The following SYN3 variants were observed in gnomAD, a reference collection of about 807,000 sequenced individuals.
SYN3 encodes the protein synapsin III, also known as synapsin-3.
In SYN3, 35 loss-of-function variants were observed where a neutral mutation model predicts 65.8. The observed-to-expected ratio is 0.53, with a 90% CI of 0.41 to 0.70. SYN3 has a LOEUF of 0.70. Ranked by LOEUF, SYN3 falls within the 30% of genes least tolerant of loss-of-function variation. The pLI is 0.00. For synonymous variants in SYN3, 270 were observed against 292.9 expected (o/e 0.92, Z 0.80); for missense variants, 680 against 749.0 (o/e 0.91, Z 1.08).
chr22:32,814,144 G>GAC (rs2046997505), intron 6 of SYN3, among the ~76,000 whole-genome samples: 2 of 128,118 alleles, frequency 1.6e-5, no homozygotes. Flanking sequence ...GTGTGTGTGA[G>GAC]AGAGAGAGAG....
chr22:32,740,746 C>T (rs760282771), intron 6 of SYN3, among the ~76,000 whole-genome samples: 2 of 152,164 alleles, frequency 1.3e-5, no homozygotes, highest in Non-Finnish European at 2.9e-5. Flanking sequence ...AAGACCTTTT[C>T]TTGAATTACA....
At chr22:32,625,916 G>GT (rs2059659911) in intron 6 of SYN3, among the ~76,000 whole-genome samples, 3 of 152,244 alleles carry the variant, frequency 2.0e-5, no homozygotes, top group African/African-American at 7.2e-5. Context: ...ATCGATAACC[G>GT]TAAGTCAAGG....
At chr22:32,516,507 G>C (rs1208175861) in intron 13 of SYN3, among the ~76,000 whole-genome samples, 1 of 152,044 alleles carries the variant, frequency 6.6e-6, no homozygotes, top group Admixed American at 6.6e-5. Context: ...GGGACTACAG[G>C]CGTGCACCAG....
chr22:32,515,322 GGCA>G lies in SYN3; in HGVS notation c.1611-1501_1611-1499del, dbSNP rs564833157. ...CTGTATGCAGATAAGCCTCTGTAGTGGCAGCAGCATTCTAAGCACCAACTGTGC... is the reference window on the plus strand; with the variant it reads ...CTGTATGCAGATAAGCCTCTGTAGTGGCAGCATTCTAAGCACCAACTGTGC... On this transcript the variant is annotated intron_variant, in intron 13 of 13. Transcript: ENST00000358763. Among the ~76,000 whole-genome samples, 55 of 152,290 alleles carry G rather than the reference GGCA, an allele frequency of 3.6e-4. 2 individuals are homozygous for G. In the South Asian group the frequency reaches 7.5e-3, roughly 21 times the overall value.
intron 11 of SYN3, among the ~76,000 whole-genome samples, 185 bp downstream of exon 11, chr22:32,528,689 A>G (rs2058022049): frequency 6.6e-6 from 1 of 152,176 alleles, no homozygotes. Context: ...AGCCTCCTCA[A>G]TTCACTTACT....
chr22:32,532,161 T>G (rs2058084736), intron 10 of SYN3, among the ~76,000 whole-genome samples: 1 of 152,292 alleles, frequency 6.6e-6, no homozygotes, highest in Admixed American at 6.5e-5. Flanking sequence ...TTGTACTGTG[T>G]CCACCTGGCT....
Position 32,559,078 on chromosome 22 carries a change from A to C in SYN3, c.775-17365T>G, listed in dbSNP as rs1048582093. On this transcript the variant is annotated intron_variant, in intron 7 of 13. Transcript: ENST00000358763. ...TATATACAGTATTCATTTAGTCTTC[A>C]TAACAATCCTATGAGGTAAGTACTA... Among the ~76,000 whole-genome samples the C allele has an allele frequency of 9.4e-4, 143 of 152,364 alleles. 1 individual carries two copies. The highest frequency in any genetic ancestry group is 3.4e-3 in the African/African-American group (142 of 41,590).
intron 6 of SYN3, among the ~76,000 whole-genome samples, chr22:32,774,664 A>G (rs1406502920): frequency 1.3e-5 from 2 of 151,660 alleles, no homozygotes; most frequent in Non-Finnish European, 2.9e-5. Context: ...GCACGATCTC[A>G]GCTCACCGCA....
chr22:32,949,032 C>T (rs978934559), intron 3 of SYN3, among the ~76,000 whole-genome samples: 4 of 152,102 alleles, frequency 2.6e-5, no homozygotes, highest in African/African-American at 9.7e-5. Context: ...AGTATATATA[C>T]TTACCAGTTG....
chr22:32,749,577 G>A (rs551249908), intron 6 of SYN3, among the ~76,000 whole-genome samples: 46 of 152,204 alleles, frequency 3.0e-4, no homozygotes, highest in African/African-American at 1.1e-3. Flanking sequence ...GGTGGCAGGG[G>A]TTGCAGTGAG....
intron 6 of SYN3, among the ~76,000 whole-genome samples, chr22:32,655,912 A>C (rs909670864): frequency 4.6e-5 from 7 of 152,152 alleles, no homozygotes; most frequent in Non-Finnish European, 8.8e-5. Context: ...TGGTGCCAAA[A>C]AGGTTGGGAG....
chr22:32,606,293 G>A (rs2059371385), intron 6 of SYN3, among the ~76,000 whole-genome samples: 1 of 152,202 alleles, frequency 6.6e-6, no homozygotes, highest in Non-Finnish European at 1.5e-5. Context: ...GGGCAGCCCG[G>A]AAATGGGGTT....
At chr22:32,926,727 A>G (rs2050484163) in intron 4 of SYN3, among the ~76,000 whole-genome samples, 1 of 152,230 alleles carries the variant, frequency 6.6e-6, no homozygotes, top group Admixed American at 6.5e-5. Flanking sequence ...TAATTAGTGC[A>G]TTTAGTCCAT....
chr22:33,029,954 C>T (rs964379923), intron 1 of SYN3, among the ~76,000 whole-genome samples: 9 of 152,154 alleles, frequency 5.9e-5, no homozygotes, highest in Non-Finnish European at 1.3e-4. Context: ...TTGGCATGCC[C>T]TTCCCTACGT....
At chr22:32,787,911 C>T (rs375159796) in intron 6 of SYN3, among the ~76,000 whole-genome samples, 16 of 151,928 alleles carry the variant, frequency 1.1e-4, no homozygotes, top group East Asian at 3.9e-4. Context: ...TCAGGGCAGT[C>T]CTGGAGCTGG....
At chr22:33,022,004 A>T (rs753935494) in intron 1 of SYN3, among the ~76,000 whole-genome samples, 2 of 152,200 alleles carry the variant, frequency 1.3e-5, no homozygotes, top group Non-Finnish European at 2.9e-5. Context: ...GTTTGGGAAG[A>T]TTAAATCTGT....
chr22:32,713,826 G>A (rs112050748), intron 6 of SYN3, among the ~76,000 whole-genome samples: 2,715 of 123,220 alleles, frequency 0.022, 26 homozygotes, highest in East Asian at 0.044. Context: ...GCAAGACCCC[G>A]TCTCAAAAAA....
At chr22:33,037,617 G>C (rs1197177103) in intron 1 of SYN3, among the ~76,000 whole-genome samples, 1 of 152,142 alleles carries the variant, frequency 6.6e-6, no homozygotes, top group East Asian at 1.9e-4. Context: ...CTGTTATCCT[G>C]ATTTTACGCT....
At chr22:32,548,031 A>G (rs1425736019) in intron 7 of SYN3, among the ~76,000 whole-genome samples, 2 of 152,172 alleles carry the variant, frequency 1.3e-5, no homozygotes, top group African/African-American at 4.8e-5. Flanking sequence ...TCCTTAACCC[A>G]TTCCTAATAC....
Sources: gnomAD v4.1 joint callset for allele counts (sites outside exome capture counted in the v4.1 genomes callset) on GRCh38, gnomAD v4.1.1 for gene constraint, MANE v1.5 for transcripts, NCBI Gene and HGNC (gene_info 2026-07-23, HGNC 2026-07-21) for gene names.